GNAQ: variants seen among roughly 807,000 people sequenced by gnomAD.
The protein encoded by GNAQ is guanine nucleotide-binding protein G(q) subunit alpha.
In GNAQ, 8 loss-of-function variants were observed where a neutral mutation model predicts 43.9. The observed-to-expected ratio is 0.18, with a 90% CI of 0.11 to 0.33. The LOEUF (loss-of-function observed/expected upper bound fraction) is 0.33. GNAQ is among the 10% of genes least tolerant of loss of function. The pLI is 1.00. For missense variants in GNAQ, 158 were observed against 450.8 expected, an observed-to-expected ratio of 0.35 and a Z score of 5.88; for synonymous variants, 155 against 170.7, an observed-to-expected ratio of 0.91 and a Z score of 0.71.
At position 77,811,050 on chromosome 9, in the gene GNAQ, AC is replaced by A. The variant is rs200476962; in HGVS notation, c.476+4565del. 5.8e-3 allele frequency among the ~76,000 whole-genome samples: 885 copies of A among 152,262 alleles called. 1 individual carries two copies. The highest frequency in any genetic ancestry group is 0.02 in the African/African-American group (831 of 41,562). On this transcript the variant is annotated intron_variant, in intron 3 of 6. Coordinates refer to ENST00000286548, the MANE Select transcript of GNAQ (RefSeq NM_002072.5). ...CACAACCACTAGAGTTGTGGAGAGA[AC>A]TGCTACTACACTACAACCTTTAAGT...
At chr9:77,739,993 C>G (rs1244556364) in intron 5 of GNAQ, among the ~76,000 whole-genome samples, 1 of 152,354 alleles carries the variant, frequency 6.6e-6, no homozygotes, top group African/African-American at 2.4e-5. Context: ...ATCAGCGCAT[C>G]AGACAGAATC....
intron 2 of GNAQ, among the ~76,000 whole-genome samples, chr9:77,908,882 A>C (rs1319277767): frequency 6.6e-6 from 1 of 152,176 alleles, no homozygotes. Context: ...TTTTAATGAG[A>C]GCCTCACATG....
At chr9:78,027,792 T>G (rs1824000894) in intron 1 of GNAQ, among the ~76,000 whole-genome samples, 1 of 151,350 alleles carries the variant, frequency 6.6e-6, no homozygotes, top group South Asian at 2.1e-4. Flanking sequence ...TTTGCCTGTT[T>G]CAATAGCGAT....
chr9:77,952,089 A>G (rs1822985833), intron 1 of GNAQ, among the ~76,000 whole-genome samples: 1 of 152,352 alleles, frequency 6.6e-6, no homozygotes, highest in Admixed American at 6.5e-5. Context: ...TTCTTAAAAA[A>G]CATTTCCTGG....
intron 1 of GNAQ, among the ~76,000 whole-genome samples, chr9:77,975,349 A>C (rs80206902): frequency 0.013 from 1,953 of 152,264 alleles, 67 homozygotes; most frequent in East Asian, 0.12. Context: ...AACTGCAATA[A>C]GTGCTTTATT....
intron 1 of GNAQ, among the ~76,000 whole-genome samples, chr9:77,962,709 G>A (rs1162007188): frequency 6.6e-6 from 1 of 151,858 alleles, no homozygotes; most frequent in Admixed American, 6.6e-5. Flanking sequence ...GGCCAACATG[G>A]TGAAACCCCG....
chr9:77,862,255 G>A (rs1173450535), intron 2 of GNAQ, among the ~76,000 whole-genome samples: 2 of 152,096 alleles, frequency 1.3e-5, no homozygotes, highest in African/African-American at 2.4e-5. Context: ...TGCCCCAGGA[G>A]GGACTCTGTG....
chr9:77,886,662 T>C (rs1828311445), intron 2 of GNAQ, among the ~76,000 whole-genome samples: 3 of 152,304 alleles, frequency 2.0e-5, no homozygotes, highest in Middle Eastern at 3.4e-3. Flanking sequence ...AAATAAACTT[T>C]ATTGTGAACT....
intron 2 of GNAQ, among the ~76,000 whole-genome samples, chr9:77,820,808 A>G (rs913845664): frequency 2.6e-5 from 4 of 152,224 alleles, no homozygotes; most frequent in Non-Finnish European, 5.9e-5. Flanking sequence ...CTGTGTCTTT[A>G]GACAAGTCAC....
intron 2 of GNAQ, among the ~76,000 whole-genome samples, chr9:77,921,422 T>C (rs1013619132): frequency 1.8e-4 from 27 of 152,354 alleles, no homozygotes; most frequent in Admixed American, 2.0e-4. Context: ...TGGTATTACA[T>C]CTCTTTAATA....
intron 5 of GNAQ, among the ~76,000 whole-genome samples, chr9:77,769,333 T>C (rs1340209104): frequency 6.6e-6 from 1 of 150,668 alleles, no homozygotes; most frequent in Non-Finnish European, 1.5e-5. Context: ...ACCTGGGAAA[T>C]GGAGGTTGCA....
chr9:77,728,006 T>G (rs1211694113), intron 6 of GNAQ, among the ~76,000 whole-genome samples: 2 of 150,834 alleles, frequency 1.3e-5, no homozygotes, highest in Admixed American at 6.6e-5. Context: ...TTTCTTTTCT[T>G]TTTTTTTTAG....
intron 2 of GNAQ, among the ~76,000 whole-genome samples, chr9:77,838,109 C>CA (rs1006398042): frequency 2.9e-4 from 43 of 145,884 alleles, no homozygotes; most frequent in African/African-American, 1.0e-3. Context: ...CTCGGCCTTG[C>CA]AAAGTCCTGG....
At chr9:77,986,488 C>T (rs1347946815) in intron 1 of GNAQ, among the ~76,000 whole-genome samples, 2 of 152,094 alleles carry the variant, frequency 1.3e-5, no homozygotes, top group Non-Finnish European at 2.9e-5. Flanking sequence ...TTCTTTCTTG[C>T]AGTGCCTGTT....
chr9:77,770,059 T>C (rs1481326113), intron 5 of GNAQ, among the ~76,000 whole-genome samples: 1 of 152,198 alleles, frequency 6.6e-6, no homozygotes, highest in Non-Finnish European at 1.5e-5. Context: ...TAGTGAATGG[T>C]ACTGAATAAT....
chr9:77,834,597 T>C (rs1012898094), intron 2 of GNAQ, among the ~76,000 whole-genome samples: 2 of 152,208 alleles, frequency 1.3e-5, no homozygotes, highest in African/African-American at 4.8e-5. Flanking sequence ...TAGAAGGAAC[T>C]GCAAGCTTTA....
At chr9:77,724,291 AG>A (rs1825364241) in intron 6 of GNAQ, among the ~76,000 whole-genome samples, 1 of 152,108 alleles carries the variant, frequency 6.6e-6, no homozygotes, top group Non-Finnish European at 1.5e-5. Flanking sequence ...CCTGGGTTCA[AG>A]CGAAATCTCC....
intron 1 of GNAQ, among the ~76,000 whole-genome samples, chr9:78,006,836 A>G (rs994599871): frequency 2.6e-5 from 4 of 152,180 alleles, no homozygotes; most frequent in African/African-American, 9.6e-5. Context: ...ATGGGGTAAA[A>G]GATCACATGA....
chr9:77,793,076 C>G (rs1477218045), intron 5 of GNAQ, among the ~76,000 whole-genome samples: 11 of 151,916 alleles, frequency 7.2e-5, no homozygotes, highest in Non-Finnish European at 1.5e-5. Flanking sequence ...AGATCTGCTC[C>G]CAAAATATGC....
Sources: allele counts gnomAD v4.1 joint callset (sites outside exome capture counted in the v4.1 genomes callset), GRCh38; gene constraint gnomAD v4.1.1; transcripts MANE v1.5; gene names NCBI Gene and HGNC (gene_info 2026-07-23, HGNC 2026-07-21).